MYPN: variants seen among roughly 807,000 people sequenced by gnomAD.
The protein encoded by MYPN is sarcomeric protein myopalladin, 145 kDa (MYOP).
Under a neutral mutation model 129.4 loss-of-function variants are expected in MYPN, and 63 were observed. The ratio of observed to expected loss-of-function variants is 0.49; its 90% CI spans 0.40 to 0.60. MYPN has a LOEUF of 0.60. Among genes scored for constraint, MYPN ranks in the 20% least tolerant of loss-of-function variants. The probability of loss-of-function intolerance (pLI) is 0.00; values close to 1 mark genes in which losing one functional copy is unlikely to be tolerated. For synonymous variants in MYPN, 629 were observed against 600.9 expected (o/e 1.05, Z -0.68); for missense variants, 1,596 against 1,635.4 (o/e 0.98, Z 0.42).
intron 12 of MYPN, among the ~76,000 whole-genome samples, chr10:68,184,028 G>GA (rs1283179488): frequency 1.3e-5 from 2 of 151,472 alleles, no homozygotes; most frequent in African/African-American, 4.8e-5. Context: ...GTCTCAAAAA[G>GA]AAAAAAAAGA....
rs1246831019 is a variant in MYPN at position 68,210,333 on chromosome 10, G to A, written c.3841G>A (p.Gly1281Ser). 1.9e-6 allele frequency: 3 copies of A among 1,614,054 alleles called. No individual in the cohort carries two copies. The highest frequency in any genetic ancestry group is 2.5e-6 in the Non-Finnish European group (3 of 1,180,042). Reference sequence around the variant, plus strand: ...ACCGCCCATGTCTGTCCGGCCCAGTGGCAGTCGCTACGGATCTCTCACCAG... The same window carrying A: ...ACCGCCCATGTCTGTCCGGCCCAGTAGCAGTCGCTACGGATCTCTCACCAG... ...IPPPMSVRPS[G>S]SRYGSLTSKG... The change falls in exon 20 of 20, where the codon GGC becomes AGC. Residue 1281 changes from glycine to serine, a missense_variant. By Grantham distance (56) the Gly-to-Ser change is moderately conservative. Transcript: ENST00000358913.
chr10:68,097,212 T>C (rs1425177137), intron 1 of MYPN, among the ~76,000 whole-genome samples: 1 of 152,224 alleles, frequency 6.6e-6, no homozygotes, highest in East Asian at 1.9e-4. Context: ...GTACAAGATG[T>C]AAGTGATCTG....
Position 68,199,382 on chromosome 10 carries a change from GC to G in MYPN, c.3305del (p.Pro1102ArgfsTer3). On this transcript the variant is annotated frameshift_variant, in exon 17 of 20. Transcript: ENST00000358913. LOFTEE classifies it high-confidence loss of function. Reference protein sequence around the residue: ...RLDCKVSGLPPPELTWLLNGQ... With the variant: ...RLDCKVSGLPXPELTWLLNGQ... Reference sequence around the variant, plus strand: ...TTGTTTATTAGGTGAGTGGTTTACCGCCCCCGGAGCTGACATGGCTACTCAA... The same window carrying G: ...TTGTTTATTAGGTGAGTGGTTTACCGCCCCGGAGCTGACATGGCTACTCAA... 1 of 1,613,872 alleles carries G rather than the reference GC, an allele frequency of 6.2e-7. No individual in the cohort carries two copies.
chr10:68,205,083 T>C (rs756434042), intron 18 of MYPN, among the ~76,000 whole-genome samples: 1 of 152,170 alleles, frequency 6.6e-6, no homozygotes, highest in Admixed American at 6.5e-5. Flanking sequence ...CTACATTATA[T>C]TTCAGTGCTT....
In MYPN at chr10:68,210,904, A is replaced by T. The variant is rs748230333; in HGVS notation, c.*449A>T. ...GGCGGACAGGTCACCATCACCTTTC[A>T]TCGATTACATGTATAGCAGTAGTTT... is the stretch of plus-strand genomic sequence containing the variant. On this transcript the variant is annotated 3_prime_UTR_variant, in exon 20 of 20. Transcript: ENST00000358913. The T allele has an allele frequency of 4.4e-6, 2 of 455,026 alleles. No individual in the cohort carries two copies. The highest frequency in any genetic ancestry group is 8.8e-6 in the Non-Finnish European group (2 of 227,264). 28.2% of individuals were successfully genotyped at this position (455,026 alleles called of 1,614,324 possible). A position where few individuals can be genotyped will look rare whatever the true frequency, so the allele number is the denominator to read the frequency against.
chr10:68,173,573 A>ATTTT (rs71009015), intron 10 of MYPN, among the ~76,000 whole-genome samples: 2,927 of 144,644 alleles, frequency 0.02, 64 homozygotes, highest in Non-Finnish European at 0.032. Flanking sequence ...ACATCAAGTT[A>ATTTT]TTTTATTTAT....
At chr10:68,149,625 T>A (rs901626237) in intron 5 of MYPN, among the ~76,000 whole-genome samples, 1 of 152,206 alleles carries the variant, frequency 6.6e-6, no homozygotes, top group Non-Finnish European at 1.5e-5. Context: ...TGATGATCAA[T>A]GTATTTAAAT....
intron 1 of MYPN, among the ~76,000 whole-genome samples, chr10:68,093,526 C>A (rs1235071423): frequency 6.8e-6 from 1 of 146,932 alleles, no homozygotes; most frequent in Non-Finnish European, 1.5e-5. Flanking sequence ...ATCACGAGGT[C>A]AGCAGATCGA....
intron 13 of MYPN, among the ~76,000 whole-genome samples, chr10:68,193,797 G>GCGCACACA (rs1210452246): frequency 3.9e-5 from 5 of 127,604 alleles, no homozygotes; most frequent in African/African-American, 1.1e-4. Context: ...ATGTGTATGT[G>GCGCACACA]CACACACACA....
At chr10:68,197,081 G>C (rs1372071047) in intron 15 of MYPN, among the ~76,000 whole-genome samples, 1 of 152,106 alleles carries the variant, frequency 6.6e-6, no homozygotes, top group Non-Finnish European at 1.5e-5. Flanking sequence ...GGGGAGCTGA[G>C]CCCACTTAAT....
At chr10:68,095,750 A>G (rs757877347) in intron 1 of MYPN, among the ~76,000 whole-genome samples, 2 of 135,472 alleles carry the variant, frequency 1.5e-5, no homozygotes, top group Non-Finnish European at 3.1e-5. Context: ...GGTTGCCAGC[A>G]GTTGGGGGAA....
chr10:68,189,654 C>T (rs1474988820), intron 13 of MYPN, among the ~76,000 whole-genome samples: 2 of 152,192 alleles, frequency 1.3e-5, no homozygotes, highest in Non-Finnish European at 2.9e-5. Context: ...CTTAACATAA[C>T]GACTTCCAGT....
At chr10:68,109,980 G>A (rs542706381) in intron 1 of MYPN, among the ~76,000 whole-genome samples, 1 of 152,204 alleles carries the variant, frequency 6.6e-6, no homozygotes, top group Non-Finnish European at 1.5e-5. Flanking sequence ...AGAAGAAGTT[G>A]TGACATGTTG....
chr10:68,206,980 A>C, intron 19 of MYPN, 77 bp downstream of exon 19: 1 of 1,561,224 alleles, frequency 6.4e-7, no homozygotes, highest in African/African-American at 1.4e-5. Flanking sequence ...TAAATGGGTC[A>C]GGCAAGGTGG....
intron 12 of MYPN, among the ~76,000 whole-genome samples, chr10:68,179,318 T>C (rs1257449395): frequency 6.6e-6 from 1 of 152,174 alleles, no homozygotes; most frequent in African/African-American, 2.4e-5. Context: ...GCTGCTGGGA[T>C]AGTGAAGTGT....
chr10:68,129,207 A>G (rs2042372565), intron 2 of MYPN, among the ~76,000 whole-genome samples: 1 of 152,118 alleles, frequency 6.6e-6, no homozygotes, highest in Non-Finnish European at 1.5e-5. Context: ...GTTCTAACAA[A>G]CTGCTGATAA....
chr10:68,144,450 A>G (rs2042628895), intron 3 of MYPN, among the ~76,000 whole-genome samples: 1 of 152,198 alleles, frequency 6.6e-6, no homozygotes, highest in South Asian at 2.1e-4. Flanking sequence ...CATAGTGAGT[A>G]TTTGATAAAC....
intron 2 of MYPN, among the ~76,000 whole-genome samples, chr10:68,132,135 A>C (rs2042420816): frequency 6.6e-6 from 1 of 152,194 alleles, no homozygotes. Context: ...GCTCTATAAT[A>C]ACATATTATG....
intron 19 of MYPN, among the ~76,000 whole-genome samples, chr10:68,207,184 G>C (rs986212854): frequency 2.6e-5 from 4 of 152,128 alleles, no homozygotes; most frequent in African/African-American, 9.7e-5. Flanking sequence ...GTTGAACCCA[G>C]GAGGCAGAGG....
Sources: gnomAD v4.1 joint callset for allele counts (sites outside exome capture counted in the v4.1 genomes callset) on GRCh38, gnomAD v4.1.1 for gene constraint, MANE v1.5 for transcripts, NCBI Gene and HGNC (gene_info 2026-07-23, HGNC 2026-07-21) for gene names.